The following HS3ST4 variants were observed in gnomAD, a reference collection of about 807,000 sequenced individuals.
The protein encoded by HS3ST4 is heparan sulfate-glucosamine 3-sulfotransferase 4.
HS3ST4 carries 17 observed loss-of-function variants against 29.2 expected under a neutral mutation model. That is an observed-to-expected ratio of 0.58 (90% CI 0.40 to 0.87). The LOEUF (loss-of-function observed/expected upper bound fraction) is 0.87, where lower values mean the gene tolerates loss of function less well. Among genes scored for constraint, HS3ST4 ranks in the 40% least tolerant of loss-of-function variants. HS3ST4 has a pLI of 0.00. For missense variants in HS3ST4, 627 were observed against 634.5 expected (o/e 0.99, Z 0.13); for synonymous variants, 314 against 285.7 (o/e 1.10, Z -1.00).
intron 1 of HS3ST4, among the ~76,000 whole-genome samples, chr16:25,903,538 G>A (rs913551576): frequency 6.6e-6 from 1 of 151,708 alleles, no homozygotes; most frequent in African/African-American, 2.4e-5. Context: ...CCATTCTCAG[G>A]GCATCCCTTG....
intron 1 of HS3ST4, among the ~76,000 whole-genome samples, chr16:25,723,005 A>G (rs753802642): frequency 7.9e-5 from 12 of 152,220 alleles, no homozygotes; most frequent in African/African-American, 1.7e-4. Flanking sequence ...GACAGGAGAC[A>G]AGAGAGAATG....
chr16:25,897,583 C>T (rs892087145), intron 1 of HS3ST4, among the ~76,000 whole-genome samples: 2 of 152,190 alleles, frequency 1.3e-5, no homozygotes, highest in African/African-American at 4.8e-5. Flanking sequence ...CCCAGTTCCT[C>T]TGAGCTCTGG....
chr16:25,799,407 A>G (rs1311198267), intron 1 of HS3ST4, among the ~76,000 whole-genome samples: 1 of 152,236 alleles, frequency 6.6e-6, no homozygotes, highest in African/African-American at 2.4e-5. Flanking sequence ...AGTAATATAT[A>G]ATCTTCAGAG....
chr16:25,692,627 C>T lies in HS3ST4; in HGVS notation c.210C>T (p.Gly70=). ...QFPLALQESP[G]AAAEPPPSPP... Reference sequence around the variant, plus strand: ...CTCTGGCGCTGCAGGAGTCGCCGGGCGCCGCCGCCGAGCCCCCGCCGAGCC... The same window carrying T: ...CTCTGGCGCTGCAGGAGTCGCCGGGTGCCGCCGCCGAGCCCCCGCCGAGCC... The change falls in exon 1 of 2, where the codon GGC becomes GGT. Residue 70 remains glycine (G), a synonymous_variant. Transcript: ENST00000331351. 1 of 1,368,586 alleles carries T rather than the reference C, an allele frequency of 7.3e-7. No homozygotes were observed. Among genetic ancestry groups the T allele is most frequent in the East Asian group, 3.3e-5 (1 of 30,274 alleles). The allele number at this position is 1,368,586 out of a possible 1,614,324, so 84.8% of individuals were successfully genotyped here.
rs200883311 is a variant in HS3ST4 at position 25,802,925 on chromosome 16, ATATG to A, written c.734+109776_734+109779del. Among the ~76,000 whole-genome samples the A allele has an allele frequency of 6.0e-3, 790 of 131,438 alleles. 6 individuals carry two copies. The highest frequency in any genetic ancestry group is 0.017 in the East Asian group (79 of 4,722). 86.2% of individuals were successfully genotyped at this position (131,438 alleles called of 152,430 possible). A position where few individuals can be genotyped will look rare whatever the true frequency, so the allele number is the denominator to read the frequency against. On this transcript the variant is annotated intron_variant, in intron 1 of 1. Transcript: ENST00000331351. ...AGGAAGGTAGTAGCTTTTAAGTTAT[ATATG>A]TGTGTGTGTGTGTGTGTGTGTGTGT...
At chr16:25,797,611 T>C (rs1364486986) in intron 1 of HS3ST4, among the ~76,000 whole-genome samples, 1 of 152,218 alleles carries the variant, frequency 6.6e-6, no homozygotes, top group East Asian at 1.9e-4. Flanking sequence ...CAAACACTCC[T>C]TGTATTTTCA....
intron 1 of HS3ST4, among the ~76,000 whole-genome samples, chr16:25,875,862 C>T (rs1248628016): frequency 2.0e-5 from 3 of 152,070 alleles, no homozygotes; most frequent in African/African-American, 7.2e-5. Context: ...AATTCTTGCC[C>T]CTGATTCCCT....
At position 26,031,704 on chromosome 16, in the gene HS3ST4, G is replaced by GTTTT. The variant is rs202095804; in HGVS notation, c.735-103897_735-103894dup. Among the ~76,000 whole-genome samples, 463 of 141,920 alleles carry GTTTT rather than the reference G, an allele frequency of 3.3e-3. 1 individual carries two copies. Among genetic ancestry groups the GTTTT allele is most frequent in the African/African-American group, 0.011 (439 of 39,344 alleles). 93.1% of individuals were successfully genotyped at this position (141,920 alleles called of 152,430 possible). On this transcript the variant is annotated intron_variant, in intron 1 of 1. Transcript: ENST00000331351. ...GGGCCCAGCAGAAAGATGGAGGCGT[G>GTTTT]TTTTTTTTTTTTTTCCAAGCCAAAC...
chr16:25,746,229 GAATT>G (rs1966684310), intron 1 of HS3ST4, among the ~76,000 whole-genome samples: 1 of 152,172 alleles, frequency 6.6e-6, no homozygotes. Flanking sequence ...ATTTTCAAGT[GAATT>G]AATTGAGTAC....
At chr16:25,944,906 T>C (rs1968610593) in intron 1 of HS3ST4, among the ~76,000 whole-genome samples, 1 of 152,252 alleles carries the variant, frequency 6.6e-6, no homozygotes, top group Admixed American at 6.5e-5. Context: ...TTCACTCAAC[T>C]GAGTTCCTTG....
intron 1 of HS3ST4, among the ~76,000 whole-genome samples, chr16:25,803,320 ATTTTC>A (rs2141625088): frequency 6.6e-6 from 1 of 152,206 alleles, no homozygotes; most frequent in African/African-American, 2.4e-5. Flanking sequence ...AACTGAGACA[ATTTTC>A]TTTTCTTGCT....
intron 1 of HS3ST4, among the ~76,000 whole-genome samples, chr16:25,938,641 A>G (rs1968541861): frequency 1.3e-5 from 2 of 151,926 alleles, no homozygotes; most frequent in African/African-American, 2.4e-5. Context: ...TAAATTTCCA[A>G]CATGTGCTAA....
intron 1 of HS3ST4, among the ~76,000 whole-genome samples, chr16:25,783,394 C>T (rs183950497): frequency 4.6e-5 from 7 of 152,194 alleles, no homozygotes; most frequent in African/African-American, 9.6e-5. Context: ...TTTTAACAGC[C>T]GCTGCATTGA....
At chr16:26,073,549 T>C (rs1304815434) in intron 1 of HS3ST4, among the ~76,000 whole-genome samples, 2 of 152,088 alleles carry the variant, frequency 1.3e-5, no homozygotes, top group Non-Finnish European at 1.5e-5. Flanking sequence ...ATTTTTTGTA[T>C]TTTTGTAGAG....
intron 1 of HS3ST4, among the ~76,000 whole-genome samples, chr16:25,854,228 G>A (rs1967551084): frequency 6.6e-6 from 1 of 152,056 alleles, no homozygotes; most frequent in Admixed American, 6.6e-5. Flanking sequence ...CTCCCGAGTA[G>A]CTGGGACGAC....
intron 1 of HS3ST4, among the ~76,000 whole-genome samples, chr16:25,944,908 A>T (rs1968610614): frequency 6.6e-6 from 1 of 152,208 alleles, no homozygotes; most frequent in African/African-American, 2.4e-5. Context: ...CACTCAACTG[A>T]GTTCCTTGGC....
intron 1 of HS3ST4, among the ~76,000 whole-genome samples, chr16:25,955,944 A>G (rs1412621673): frequency 6.6e-6 from 1 of 151,422 alleles, no homozygotes; most frequent in Non-Finnish European, 1.5e-5. Context: ...CCTCCCAAGT[A>G]GCTGGGATTA....
At chr16:25,979,893 T>C (rs780011992) in intron 1 of HS3ST4, among the ~76,000 whole-genome samples, 2 of 152,210 alleles carry the variant, frequency 1.3e-5, no homozygotes, top group Non-Finnish European at 2.9e-5. Flanking sequence ...TACCCTGCTA[T>C]GCGAATCATA....
At chr16:25,714,900 A>G (rs1033065803) in intron 1 of HS3ST4, among the ~76,000 whole-genome samples, 3 of 152,218 alleles carry the variant, frequency 2.0e-5, no homozygotes, top group Non-Finnish European at 4.4e-5. Context: ...TTGTATAGAA[A>G]ATGGAAGGAG....
Sources: gnomAD v4.1 joint callset for allele counts (sites outside exome capture counted in the v4.1 genomes callset) on GRCh38, gnomAD v4.1.1 for gene constraint, MANE v1.5 for transcripts, NCBI Gene and HGNC (gene_info 2026-07-23, HGNC 2026-07-21) for gene names.